Variants in C3orf52 observed in about 807,000 individuals in gnomAD.
C3orf52 encodes the protein TPA-induced transmembrane protein.
C3orf52 carries 22 observed loss-of-function variants against 24.8 expected under a neutral mutation model. The observed-to-expected ratio is 0.89, with a 90% CI of 0.63 to 1.27. The LOEUF is 1.27. C3orf52 is among the 50% of genes most tolerant of loss of function. The pLI is 0.00. For missense variants in C3orf52, 265 were observed against 260.7 expected, an observed-to-expected ratio of 1.02 and a Z score of -0.11; for synonymous variants, 93 against 100.2, an observed-to-expected ratio of 0.93 and a Z score of 0.43.
chr3:112,123,231 G>A (rs1284192253), intron 4 of C3orf52: 1 of 782,004 alleles, frequency 1.3e-6, no homozygotes, highest in Non-Finnish European at 2.0e-6. Context: ...ACCAAAGATG[G>A]TTACCTCTTT....
At chr3:112,102,175 G>A (rs191406359) in intron 2 of C3orf52, among the ~76,000 whole-genome samples, 10 of 152,134 alleles carry the variant, frequency 6.6e-5, no homozygotes, top group Middle Eastern at 3.4e-3. Flanking sequence ...ACATGGACTC[G>A]CATGCTCATT....
Position 112,117,061 on chromosome 3 carries a change from CT to C in C3orf52, c.*420del. On this transcript the variant is annotated 3_prime_UTR_variant, in exon 6 of 6. Coordinates refer to ENST00000264848, the MANE Select transcript of C3orf52 (RefSeq NM_024616.3). ...TGAAGCACTCCACCCACCTGGGCTA[CT>C]TTTTCTTTAGTGCAGAGGTGCACTG... 1 of 798,758 alleles carries C rather than the reference CT, an allele frequency of 1.3e-6. No individual in the cohort carries two copies. The highest frequency in any genetic ancestry group is 2.8e-5 in the Admixed American group (1 of 36,112). 49.5% of individuals were successfully genotyped at this position (798,758 alleles called of 1,614,324 possible). A position where few individuals can be genotyped will look rare whatever the true frequency, so the allele number is the denominator to read the frequency against.
At chr3:112,128,033 A>G in intron 4 of C3orf52, 1 of 1,613,720 alleles carries the variant, frequency 6.2e-7, no homozygotes, top group Non-Finnish European at 8.5e-7. Context: ...AGGCAGAAAC[A>G]CCCTTCAGCG....
intron 4 of C3orf52, among the ~76,000 whole-genome samples, chr3:112,125,037 AC>A (rs2074283283): frequency 6.6e-6 from 1 of 152,220 alleles, no homozygotes; most frequent in South Asian, 2.1e-4. Context: ...AATAAATTAT[AC>A]AGCAGAAGTG....
intron 1 of C3orf52, among the ~76,000 whole-genome samples, chr3:112,089,715 T>C (rs2073860920): frequency 6.6e-6 from 1 of 152,142 alleles, no homozygotes; most frequent in African/African-American, 2.4e-5. Flanking sequence ...TTCCCTGATC[T>C]ATATAATATC....
chr3:112,086,775 G>T (rs971182402), intron 1 of C3orf52, among the ~76,000 whole-genome samples: 1 of 152,198 alleles, frequency 6.6e-6, no homozygotes, highest in African/African-American at 2.4e-5. Context: ...GACCCCCGAG[G>T]CGCTTTAGGA....
downstream of C3orf52, chr3:112,121,713 C>T (rs1382382882): frequency 2.6e-5 from 4 of 152,190 alleles, no homozygotes; most frequent in Admixed American, 6.5e-5. Context: ...GGAAGAGATA[C>T]CAAGATGCAG....
In C3orf52 at chr3:112,117,247, G is replaced by A. The variant is rs1392596249; in HGVS notation, c.*601G>A. Reference sequence around the variant, plus strand: ...AAGCCAGGCTGTGAAGAAAAGGAAGGCACTTTAGAAGACCTCAGCAGTGTG... The same window carrying A: ...AAGCCAGGCTGTGAAGAAAAGGAAGACACTTTAGAAGACCTCAGCAGTGTG... On this transcript the variant is annotated 3_prime_UTR_variant, in exon 6 of 6. Transcript: ENST00000264848. 1.1e-5 allele frequency: 5 copies of A among 475,072 alleles called. No homozygotes were observed. Among genetic ancestry groups the A allele is most frequent in the African/African-American group, 9.6e-5 (5 of 52,100 alleles). The allele number at this position is 475,072 out of a possible 1,614,324, so 29.4% of individuals were successfully genotyped here. A position where few individuals can be genotyped will look rare whatever the true frequency, so the allele number is the denominator to read the frequency against.
intron 2 of C3orf52, among the ~76,000 whole-genome samples, chr3:112,101,991 AGC>A (rs1439758173): frequency 1.4e-4 from 21 of 152,210 alleles, no homozygotes; most frequent in Non-Finnish European, 2.9e-5. Flanking sequence ...ATTAAACACA[AGC>A]AGCAATACAT....
Position 112,117,799 on chromosome 3 carries a change from T to C in C3orf52, c.*1153T>C, listed in dbSNP as rs2074150707. On this transcript the variant is annotated 3_prime_UTR_variant, in exon 6 of 6. Coordinates refer to ENST00000264848, the MANE Select transcript of C3orf52 (RefSeq NM_024616.3). The stretch of plus-strand genomic sequence containing the variant: ...GCCTGTTGTGAGGGAACTGATTGTT[T>C]TGTTGGGAAAAGAAATTTACCAGGA... 1 of 152,240 alleles carries C rather than the reference T, an allele frequency of 6.6e-6. No individual in the cohort carries two copies. Among genetic ancestry groups the C allele is most frequent in the Non-Finnish European group, 1.5e-5 (1 of 68,050 alleles). 9.4% of individuals were successfully genotyped at this position (152,240 alleles called of 1,614,324 possible).
intron 2 of C3orf52, 103 bp downstream of exon 2, chr3:112,093,592 T>A: frequency 1.8e-6 from 2 of 1,132,742 alleles, no homozygotes; most frequent in Non-Finnish European, 2.5e-6. Flanking sequence ...TTTCATTATT[T>A]ATAATGTGAA....
chr3:112,106,204 C>T (rs1307099217), intron 3 of C3orf52, among the ~76,000 whole-genome samples: 2 of 152,124 alleles, frequency 1.3e-5, no homozygotes, highest in Non-Finnish European at 2.9e-5. Flanking sequence ...TTTCCAGCCT[C>T]TCTCCCCTCT....
Position 112,100,680 on chromosome 3 carries a change from G to A in C3orf52, c.269-2158G>A, listed in dbSNP as rs879367380. Among the ~76,000 whole-genome samples the A allele has an allele frequency of 3.9e-5, 6 of 152,138 alleles. No individual in the cohort carries two copies. The South Asian group carries it at 1.0e-3, about 26-fold the overall frequency. On this transcript the variant is annotated intron_variant, in intron 2 of 5. Coordinates refer to ENST00000264848, the MANE Select transcript of C3orf52 (RefSeq NM_024616.3). ...GATATCTATTATGGAAATCTACATGGTGGGTATAGAGCTCAAAGATACCCA... is the reference window on the plus strand; with the variant it reads ...GATATCTATTATGGAAATCTACATGATGGGTATAGAGCTCAAAGATACCCA...
downstream of C3orf52, among the ~76,000 whole-genome samples, chr3:112,132,047 A>G (rs996150170): frequency 6.6e-6 from 1 of 152,196 alleles, no homozygotes; most frequent in Non-Finnish European, 1.5e-5. Context: ...AAAGATAAAT[A>G]AGAAACAATC....
downstream of C3orf52, chr3:112,118,309 G>A (rs936595872): frequency 1.3e-5 from 2 of 152,070 alleles, no homozygotes; most frequent in Non-Finnish European, 2.9e-5. Context: ...TTTCCCTTAG[G>A]GCAGCTTCCT....
rs1244405190 is a variant in C3orf52 at position 112,117,545 on chromosome 3, G to A, written c.*899G>A. On this transcript the variant is annotated 3_prime_UTR_variant, in exon 6 of 6. Transcript: ENST00000264848. ...CTTCCATTAGAGAATCATTAAGGCT[G>A]TTTAATATCTGCTCTGGATATTACG... 1 of 152,344 alleles carries A rather than the reference G, an allele frequency of 6.6e-6. No individual in the cohort carries two copies. Among genetic ancestry groups the A allele is most frequent in the Non-Finnish European group, 1.5e-5 (1 of 68,172 alleles). 9.4% of individuals were successfully genotyped at this position (152,344 alleles called of 1,614,324 possible). A position where few individuals can be genotyped will look rare whatever the true frequency, so the allele number is the denominator to read the frequency against.
chr3:112,099,126 C>T (rs2073950116), intron 2 of C3orf52, among the ~76,000 whole-genome samples: 1 of 152,064 alleles, frequency 6.6e-6, no homozygotes, highest in Admixed American at 6.6e-5. Context: ...GCTTGTTTCC[C>T]CTGAGCCTTC....
At chr3:112,114,857 G>A (rs2074120917) in intron 5 of C3orf52, among the ~76,000 whole-genome samples, 1 of 152,194 alleles carries the variant, frequency 6.6e-6, no homozygotes, top group South Asian at 2.1e-4. Context: ...AGGCCAGGGA[G>A]ATGGGCAGAG....
chr3:112,125,476 A>G (rs2107802964), intron 4 of C3orf52, among the ~76,000 whole-genome samples: 1 of 152,070 alleles, frequency 6.6e-6, no homozygotes, highest in East Asian at 1.9e-4. Context: ...GGGGAGACAC[A>G]TTTGGTTAGT....
Sources: allele counts gnomAD v4.1 joint callset (sites outside exome capture counted in the v4.1 genomes callset), GRCh38; gene constraint gnomAD v4.1.1; transcripts MANE v1.5; gene names NCBI Gene and HGNC (gene_info 2026-07-23, HGNC 2026-07-21).